The following KCNH5 variants were observed in gnomAD, a reference collection of about 807,000 sequenced individuals.
The protein encoded by KCNH5 is potassium voltage-gated channel subfamily H member 5, also known as voltage-gated delayed rectifier potassium channel KCNH5.
A neutral mutation model predicts 96.1 loss-of-function variants in KCNH5; 46 were observed. The ratio of observed to expected loss-of-function variants is 0.48; its 90% CI spans 0.38 to 0.61. The LOEUF (loss-of-function observed/expected upper bound fraction) is 0.61. Among genes scored for constraint, KCNH5 ranks in the 20% least tolerant of loss-of-function variants. The pLI, the probability that KCNH5 is intolerant of heterozygous loss-of-function variation, is 0.00. For synonymous variants in KCNH5, 439 were observed against 449.8 expected (o/e 0.98, Z 0.30); for missense variants, 907 against 1,225.8 (o/e 0.74, Z 3.88).
chr14:62,846,000 T>C (rs1175974285), intron 8 of KCNH5, among the ~76,000 whole-genome samples: 1 of 152,208 alleles, frequency 6.6e-6, no homozygotes, highest in Non-Finnish European at 1.5e-5. Context: ...TATTATCTTA[T>C]TCAAATTGCT....
At chr14:62,943,199 G>A (rs2140124794) in intron 7 of KCNH5, among the ~76,000 whole-genome samples, 1 of 152,122 alleles carries the variant, frequency 6.6e-6, no homozygotes, top group East Asian at 1.9e-4. Context: ...CCTTATAACG[G>A]CTGGATTAAA....
At chr14:63,017,077 A>G in intron 1 of KCNH5, 123 bp from the exon 2 acceptor site, 1 of 927,720 alleles carries the variant, frequency 1.1e-6, no homozygotes, top group Non-Finnish European at 1.6e-6. Flanking sequence ...TAATTGTACA[A>G]ATAATATAAC....
At chr14:62,962,938 C>T (rs1237717761) in intron 6 of KCNH5, among the ~76,000 whole-genome samples, 1 of 152,108 alleles carries the variant, frequency 6.6e-6, no homozygotes, top group Non-Finnish European at 1.5e-5. Flanking sequence ...GACATTCAAC[C>T]ATTAATGTTC....
chr14:62,979,926 A>AAATGGT (rs1890574347), intron 6 of KCNH5, among the ~76,000 whole-genome samples: 3 of 152,206 alleles, frequency 2.0e-5, no homozygotes, highest in Non-Finnish European at 4.4e-5. Flanking sequence ...GTCCCCACCC[A>AAATGGT]AATCTCATCT....
intron 7 of KCNH5, among the ~76,000 whole-genome samples, chr14:62,935,839 A>T (rs188982096): frequency 8.4e-4 from 128 of 152,316 alleles, no homozygotes; most frequent in African/African-American, 2.9e-3. Flanking sequence ...CTAATGGTGG[A>T]CCATTGAGCA....
chr14:62,990,024 A>C (rs184717576), intron 4 of KCNH5, among the ~76,000 whole-genome samples: 6 of 152,004 alleles, frequency 3.9e-5, no homozygotes, highest in Non-Finnish European at 7.4e-5. Flanking sequence ...GAAGGCTCAG[A>C]TTTCTAAAAC....
chr14:62,976,833 G>A (rs537328864), intron 6 of KCNH5, among the ~76,000 whole-genome samples: 21 of 152,262 alleles, frequency 1.4e-4, no homozygotes, highest in Non-Finnish European at 2.6e-4. Flanking sequence ...TATCAATCAG[G>A]TGAAAGAGTA....
At chr14:62,967,410 CT>C (rs1473273757) in intron 6 of KCNH5, among the ~76,000 whole-genome samples, 1 of 151,764 alleles carries the variant, frequency 6.6e-6, no homozygotes, top group Non-Finnish European at 1.5e-5. Flanking sequence ...GTAATATTGC[CT>C]AGAAACATAA....
intron 8 of KCNH5, among the ~76,000 whole-genome samples, chr14:62,821,261 A>C (rs1887108647): frequency 6.6e-6 from 1 of 152,136 alleles, no homozygotes; most frequent in African/African-American, 2.4e-5. Context: ...ATAATTAAAT[A>C]TAGGGTACAT....
chr14:62,754,395 C>G (rs1401352541), intron 10 of KCNH5, among the ~76,000 whole-genome samples: 1 of 151,164 alleles, frequency 6.6e-6, no homozygotes, highest in Non-Finnish European at 1.5e-5. Flanking sequence ...CCTTACTTAT[C>G]AATACAACAT....
intron 10 of KCNH5, among the ~76,000 whole-genome samples, chr14:62,723,478 G>A (rs917902830): frequency 1.3e-5 from 2 of 152,158 alleles, no homozygotes; most frequent in Non-Finnish European, 2.9e-5. Flanking sequence ...TTTAGTGTTT[G>A]TAATATTGTG....
rs146580743 is a variant in KCNH5, at chr14:62,910,096, A to C, written c.1369+40037T>G. Among the ~76,000 whole-genome samples the C allele has an allele frequency of 3.3e-3, 506 of 152,004 alleles. 4 individuals carry two copies. The highest frequency in any genetic ancestry group is 0.012 in the African/African-American group (483 of 41,460). ...TCAGTATGTGACCAAGAATTGAAAA[A>C]TAGTTCCAGATAAGAAAGATATCAA... On this transcript the variant is annotated intron_variant, in intron 7 of 10. Transcript: ENST00000322893.
intron 7 of KCNH5, among the ~76,000 whole-genome samples, chr14:62,854,952 G>T (rs935192856): frequency 6.6e-6 from 1 of 150,504 alleles, no homozygotes. Context: ...CTGATCCCTT[G>T]AATGTAGGCA....
chr14:62,855,746 T>A (rs1477839854), intron 7 of KCNH5, among the ~76,000 whole-genome samples: 1 of 152,122 alleles, frequency 6.6e-6, no homozygotes, highest in Non-Finnish European at 1.5e-5. Context: ...TTTTATAATA[T>A]GAACATTAAA....
At chr14:62,824,631 TA>T in intron 8 of KCNH5, among the ~76,000 whole-genome samples, 1 of 152,268 alleles carries the variant, frequency 6.6e-6, no homozygotes, top group Middle Eastern at 3.4e-3. Flanking sequence ...TTTCTACTTT[TA>T]TTTTACATTC....
At chr14:62,897,712 TA>T (rs568028206) in intron 7 of KCNH5, among the ~76,000 whole-genome samples, 4 of 152,010 alleles carry the variant, frequency 2.6e-5, no homozygotes, top group Non-Finnish European at 5.9e-5. Context: ...ACAGTTAGGT[TA>T]AAAAAAATCA....
At chr14:62,809,874 A>G (rs1185985635) in intron 8 of KCNH5, among the ~76,000 whole-genome samples, 1 of 152,066 alleles carries the variant, frequency 6.6e-6, no homozygotes, top group African/African-American at 2.4e-5. Flanking sequence ...ATTCCTGTGA[A>G]CCAACCAATG....
Position 62,708,151 on chromosome 14 carries a change from T to C in KCNH5, c.2324A>G (p.Lys775Arg), listed in dbSNP as rs1273898871. 3 of 1,614,116 alleles carry C rather than the reference T, an allele frequency of 1.9e-6. No homozygotes were observed. In the African/African-American group the frequency reaches 4.0e-5, roughly 22 times the overall value. Residue 775 changes from lysine to arginine, a missense_variant, in exon 11 of 11, where the codon AAG becomes AGG. This residue lies in a region of KCNH5 where 362 missense variants were observed against 394.4 expected (regional missense o/e 0.92). Transcript: ENST00000322893. ...TTCCATGGCATCACGGTTGTTCTGCTTAAGGGATTCACTGGTTTTCACATA... is the reference window on the plus strand; with the variant it reads ...TTCCATGGCATCACGGTTGTTCTGCCTAAGGGATTCACTGGTTTTCACATA... ...LAYVKTSESL[K>R]QNNRDAMELK...
Position 62,869,058 on chromosome 14 carries a change from G to A in KCNH5, c.1370-19206C>T, listed in dbSNP as rs149023468. On this transcript the variant is annotated intron_variant, in intron 7 of 10. Coordinates refer to ENST00000322893, the MANE Select transcript of KCNH5 (RefSeq NM_139318.5). ...ATCCTTTTGGTATGTACCCAGTAAT[G>A]GGATTGCTTGGTCAAATGGTATTTC... is the stretch of plus-strand genomic sequence containing the variant. Among the ~76,000 whole-genome samples the A allele has an allele frequency of 6.8e-3, 1,029 of 152,314 alleles. 4 individuals carry two copies. Among genetic ancestry groups the A allele is most frequent in the Middle Eastern group, 0.014 (4 of 294 alleles).
Sources: allele counts gnomAD v4.1 joint callset (sites outside exome capture counted in the v4.1 genomes callset), GRCh38; gene constraint gnomAD v4.1.1; regional missense constraint gnomAD v4.1.1; transcripts MANE v1.5; gene names NCBI Gene and HGNC (gene_info 2026-07-23, HGNC 2026-07-21).